CCNB3: variants seen among roughly 807,000 people sequenced by gnomAD.
CCNB3 encodes cyclin B3, also known as G2/mitotic-specific cyclin-B3.
Under a neutral mutation model 68.0 loss-of-function variants are expected in CCNB3, and 12 were observed. The ratio of observed to expected loss-of-function variants is 0.18; its 90% CI spans 0.11 to 0.29. CCNB3 has a LOEUF of 0.29. Among genes scored for constraint, CCNB3 ranks in the 10% least tolerant of loss-of-function variants. The pLI is 1.00. For missense variants in CCNB3, 904 were observed against 993.1 expected, an observed-to-expected ratio of 0.91 and a Z score of 1.21; for synonymous variants, 354 against 388.9, an observed-to-expected ratio of 0.91 and a Z score of 1.06.
chrX:50,316,070 G>A (rs1222689687), intron 8 of CCNB3, among the ~76,000 whole-genome samples: 2 of 111,154 alleles, frequency 1.8e-5, no homozygotes, highest in East Asian at 2.8e-4. Flanking sequence ...TGGGAGGGAC[G>A]CAGTGGGAGG....
intron 5 of CCNB3, among the ~76,000 whole-genome samples, chrX:50,306,432 T>C (rs1438748368): frequency 8.9e-6 from 1 of 112,010 alleles, no homozygotes; most frequent in African/African-American, 3.2e-5. Flanking sequence ...CAGATATTTT[T>C]ACTTTTCCAA....
intron 8 of CCNB3, among the ~76,000 whole-genome samples, chrX:50,330,040 G>A (rs1188829220): frequency 1.8e-5 from 2 of 111,813 alleles, no homozygotes; most frequent in Non-Finnish European, 3.8e-5. Context: ...CTCGGACACC[G>A]AGTTGTGGAA....
chrX:50,221,328 T>C (rs1935670144), intron 1 of CCNB3, among the ~76,000 whole-genome samples: 1 of 111,677 alleles, frequency 9.0e-6, no homozygotes, highest in Admixed American at 9.5e-5. Flanking sequence ...TTTGAATTTG[T>C]TTGCTCTCGC....
intron 4 of CCNB3, among the ~76,000 whole-genome samples, chrX:50,294,536 G>A (rs782409972): frequency 2.2e-4 from 25 of 111,334 alleles, no homozygotes; most frequent in African/African-American, 6.8e-4. Flanking sequence ...ATGTTAACAC[G>A]GCATATTTTC....
Position 50,309,665 on chromosome X carries a change from G to T in CCNB3, c.1496G>T (p.Gly499Val), listed in dbSNP as rs902569645. The part of the protein sequence containing the change: ...LILKRKHATQ[G>V]TMSHLKKPLI... The stretch of plus-strand genomic sequence containing the variant: ...TTAAAGAGGAAGCATGCCACTCAGG[G>T]GACAATGTCCCACTTGAAGAAACCA... The change falls in exon 6 of 13, where the codon GGG (glycine) becomes GTG (valine). Residue 499 changes from glycine to valine, a missense_variant. Gly to Val is a moderately radical substitution (Grantham distance 109). Around this residue, in one of 2 missense-constraint regions of CCNB3, gnomAD observed 619 missense variants for 609.8 expected, o/e 1.02. Coordinates refer to ENST00000376042, the MANE Select transcript of CCNB3 (RefSeq NM_033031.3). 4 of 1,209,951 alleles carry T rather than the reference G, an allele frequency of 3.3e-6. No individual in the cohort carries two copies. The highest frequency in any genetic ancestry group is 4.5e-6 in the Non-Finnish European group (4 of 894,943).
intron 11 of CCNB3, among the ~76,000 whole-genome samples, chrX:50,350,964 T>C (rs1923649048): frequency 9.0e-6 from 1 of 111,566 alleles, no homozygotes; most frequent in Non-Finnish European, 1.9e-5. Flanking sequence ...CCTAATATGC[T>C]GAGATTACAG....
At chrX:50,334,198 T>G (rs1392620174) in intron 8 of CCNB3, among the ~76,000 whole-genome samples, 1 of 112,357 alleles carries the variant, frequency 8.9e-6, no homozygotes, top group African/African-American at 3.2e-5. Context: ...CCCGTCCATG[T>G]ATAACTCCCA....
chrX:50,217,122 C>A (rs1935583726), intron 1 of CCNB3, among the ~76,000 whole-genome samples: 1 of 110,248 alleles, frequency 9.1e-6, no homozygotes, highest in Admixed American at 9.8e-5. Flanking sequence ...TTCTATTGTT[C>A]TTTCTTCCTG....
At chrX:50,294,505 A>C (rs1557210541) in intron 4 of CCNB3, among the ~76,000 whole-genome samples, 1 of 111,491 alleles carries the variant, frequency 9.0e-6, no homozygotes, top group Non-Finnish European at 1.9e-5. Context: ...TGAAAATCTT[A>C]TGAGGTCAAA....
At chrX:50,336,308 A>AC (rs1922848602) in intron 8 of CCNB3, among the ~76,000 whole-genome samples, 1 of 109,318 alleles carries the variant, frequency 9.1e-6, no homozygotes, top group South Asian at 3.9e-4. Context: ...TCTTCCTGGA[A>AC]CCCCCCTTTC....
At chrX:50,302,767 G>A (rs782150896) in intron 5 of CCNB3, among the ~76,000 whole-genome samples, 20 of 111,697 alleles carry the variant, frequency 1.8e-4, no homozygotes, top group Non-Finnish European at 2.6e-4. Flanking sequence ...GAGGTTATCC[G>A]TGTCATAGCA....
rs781969734 is a variant in CCNB3, at chrX:50,302,802, T to TA, written c.336-5702dup. Among the ~76,000 whole-genome samples the TA allele has an allele frequency of 2.7e-5, 3 of 112,348 alleles. No homozygotes were observed. In the South Asian group the frequency reaches 1.1e-3, roughly 42 times the overall value. ...AGGTTGTCAGTACTTCATTTCTTTT[T>TA]ATTGCCAAGTAATATTTCATTGCAT... is the stretch of plus-strand genomic sequence containing the variant. On this transcript the variant is annotated intron_variant, in intron 5 of 12. Transcript: ENST00000376042.
chrX:50,304,085 C>T (rs960887117), intron 5 of CCNB3, among the ~76,000 whole-genome samples: 1 of 111,534 alleles, frequency 9.0e-6, no homozygotes, highest in African/African-American at 3.3e-5. Context: ...GTTGAGAAAA[C>T]TAACCTTTCT....
At chrX:50,330,399 C>T (rs1234525543) in intron 8 of CCNB3, among the ~76,000 whole-genome samples, 1 of 111,990 alleles carries the variant, frequency 8.9e-6, no homozygotes, top group African/African-American at 3.2e-5. Flanking sequence ...TTAACTCCTA[C>T]TTTTCCTTTG....
chrX:50,297,480 T>C lies in CCNB3; in HGVS notation c.335+2487T>C, dbSNP rs1303902384. On this transcript the variant is annotated intron_variant, in intron 5 of 12. Coordinates refer to ENST00000376042, the MANE Select transcript of CCNB3 (RefSeq NM_033031.3). ...TTTCTGAGGGCTCTGTTCTGTTCCA[T>C]TGGTCTATATCTCTGTTTTGGTACC... Among the ~76,000 whole-genome samples the C allele has an allele frequency of 2.1e-4, 24 of 111,978 alleles. No individual in the cohort carries two copies. The East Asian group carries it at 6.8e-3, about 32-fold the overall frequency.
intron 5 of CCNB3, among the ~76,000 whole-genome samples, chrX:50,296,123 T>C (rs1174407123): frequency 9.0e-6 from 1 of 111,356 alleles, no homozygotes; most frequent in Non-Finnish European, 1.9e-5. Context: ...TATGTTTCTT[T>C]GTTTTTTTAT....
chrX:50,327,213 G>C (rs1922337111), intron 8 of CCNB3, among the ~76,000 whole-genome samples: 1 of 112,025 alleles, frequency 8.9e-6, no homozygotes, highest in Non-Finnish European at 1.9e-5. Flanking sequence ...TGCTGAGAGG[G>C]CTGAAAACCA....
chrX:50,328,323 G>C (rs1281274152), intron 8 of CCNB3, among the ~76,000 whole-genome samples: 1 of 112,573 alleles, frequency 8.9e-6, no homozygotes, highest in Non-Finnish European at 1.9e-5. Context: ...AGTTCTGCAG[G>C]CTGTGTAAGC....
intron 5 of CCNB3, among the ~76,000 whole-genome samples, chrX:50,303,406 A>G (rs1468906919): frequency 9.2e-6 from 1 of 108,844 alleles, no homozygotes; most frequent in Non-Finnish European, 1.9e-5. Context: ...TCGGCCTCCC[A>G]AAGTGCTGGG....
Sources: gnomAD v4.1 joint callset for allele counts (sites outside exome capture counted in the v4.1 genomes callset) on GRCh38, gnomAD v4.1.1 for gene constraint, gnomAD v4.1.1 regional missense constraint, MANE v1.5 for transcripts, NCBI Gene and HGNC (gene_info 2026-07-23, HGNC 2026-07-21) for gene names.